The following MDGA2 variants were observed in gnomAD, a reference collection of about 807,000 sequenced individuals.
MDGA2 encodes the protein MAM domain containing glycosylphosphatidylinositol anchor 2.
Under a neutral mutation model 117.8 loss-of-function variants are expected in MDGA2, and 40 were observed. The observed-to-expected ratio is 0.34, with a 90% CI of 0.26 to 0.44. The LOEUF is 0.44. Ranked by LOEUF, MDGA2 falls within the 20% of genes least tolerant of loss-of-function variation. MDGA2 has a pLI of 1.00. For missense variants in MDGA2, 1,123 were observed against 1,250.6 expected (o/e 0.90, Z 1.54); for synonymous variants, 452 against 439.0 (o/e 1.03, Z -0.37).
chr14:47,408,683 CTCAGA>C (rs1426479092), intron 1 of MDGA2, among the ~76,000 whole-genome samples: 1 of 152,092 alleles, frequency 6.6e-6, no homozygotes. Context: ...GTAATTTGTC[CTCAGA>C]TCAGTAGAAA....
chr14:46,985,924 AT>A (rs1052328590), intron 8 of MDGA2, among the ~76,000 whole-genome samples: 1 of 151,820 alleles, frequency 6.6e-6, no homozygotes, highest in African/African-American at 2.4e-5. Flanking sequence ...CAACTGAGTC[AT>A]TTTTTTTCTA....
chr14:47,407,968 C>A (rs1892292902), intron 1 of MDGA2, among the ~76,000 whole-genome samples: 1 of 151,994 alleles, frequency 6.6e-6, no homozygotes, highest in Non-Finnish European at 1.5e-5. Flanking sequence ...CTACCCTAAT[C>A]CCTAAAACCT....
chr14:46,856,562 A>T (rs1351087368), intron 14 of MDGA2, among the ~76,000 whole-genome samples: 1 of 152,050 alleles, frequency 6.6e-6, no homozygotes, highest in Non-Finnish European at 1.5e-5. Flanking sequence ...GCATTATATA[A>T]TTTTTGTGTG....
At chr14:47,281,120 T>C (rs1480997765) in intron 2 of MDGA2, among the ~76,000 whole-genome samples, 4 of 150,022 alleles carry the variant, frequency 2.7e-5, no homozygotes, top group Admixed American at 2.0e-4. Context: ...AATAATTTAA[T>C]GTAATATGAA....
At chr14:47,302,683 G>T (rs1282240373) in intron 1 of MDGA2, among the ~76,000 whole-genome samples, 1 of 152,056 alleles carries the variant, frequency 6.6e-6, no homozygotes, top group Non-Finnish European at 1.5e-5. Context: ...AAGAAAAAAA[G>T]ATTATAAGGC....
chr14:47,050,585 A>C (rs1254640589), intron 7 of MDGA2, among the ~76,000 whole-genome samples: 2 of 151,924 alleles, frequency 1.3e-5, no homozygotes, highest in African/African-American at 4.8e-5. Context: ...GTGTGCTGTA[A>C]ATTTTATTGT....
chr14:47,538,058 C>T lies in MDGA2; in HGVS notation c.280+136459G>A, dbSNP rs1236244227. Among the ~76,000 whole-genome samples, 2 of 152,128 alleles carry T rather than the reference C, an allele frequency of 1.3e-5. 1 individual carries two copies. Among genetic ancestry groups the T allele is most frequent in the Admixed American group, 1.3e-4 (2 of 15,276 alleles). On this transcript the variant is annotated intron_variant, in intron 1 of 16. Coordinates refer to ENST00000399232, the MANE Select transcript of MDGA2 (RefSeq NM_001113498.3). ...ACAATACAGATTCAGATAAATAGAA[C>T]CTCTATGTTTTTCCATTTGCAATTT...
chr14:47,036,270 C>CAAAAAA (rs11310113), intron 7 of MDGA2, among the ~76,000 whole-genome samples: 2 of 74,440 alleles, frequency 2.7e-5, no homozygotes, highest in Non-Finnish European at 4.8e-5. Flanking sequence ...ACTCTGTCTC[C>CAAAAAA]AAAAAAAAAA....
chr14:47,486,803 C>T (rs1348428464), intron 1 of MDGA2, among the ~76,000 whole-genome samples: 1 of 152,188 alleles, frequency 6.6e-6, no homozygotes, highest in Non-Finnish European at 1.5e-5. Flanking sequence ...CTTGCTCCCC[C>T]TTGCCTTCTG....
chr14:47,388,487 T>C (rs1198859277), intron 1 of MDGA2, among the ~76,000 whole-genome samples: 1 of 152,150 alleles, frequency 6.6e-6, no homozygotes, highest in African/African-American at 2.4e-5. Flanking sequence ...GAATGCTGTG[T>C]CTTCTGCCTA....
At chr14:47,549,540 A>G (rs1011899445) in intron 1 of MDGA2, among the ~76,000 whole-genome samples, 1 of 152,142 alleles carries the variant, frequency 6.6e-6, no homozygotes, top group Non-Finnish European at 1.5e-5. Flanking sequence ...GCAAAGCATC[A>G]GCAATTCTAC....
chr14:46,910,382 T>C (rs1883653360), intron 10 of MDGA2, among the ~76,000 whole-genome samples: 1 of 152,202 alleles, frequency 6.6e-6, no homozygotes, highest in Admixed American at 6.5e-5. Flanking sequence ...AGTACTGCAT[T>C]AATGACTGTT....
intron 1 of MDGA2, among the ~76,000 whole-genome samples, chr14:47,400,766 T>C (rs1300656515): frequency 1.6e-5 from 2 of 126,612 alleles, no homozygotes; most frequent in Non-Finnish European, 3.3e-5. Context: ...TTCTTTTTTT[T>C]TTTTTTTTGA....
At chr14:47,565,478 C>T (rs1170407220) in intron 1 of MDGA2, among the ~76,000 whole-genome samples, 1 of 152,168 alleles carries the variant, frequency 6.6e-6, no homozygotes, top group Admixed American at 6.5e-5. Context: ...GCTTTGTTCT[C>T]TGGCTGGAGG....
At chr14:47,204,870 C>T (rs1247950802) in intron 3 of MDGA2, among the ~76,000 whole-genome samples, 4 of 151,904 alleles carry the variant, frequency 2.6e-5, no homozygotes, top group South Asian at 2.1e-4. Flanking sequence ...TACACAGTTA[C>T]AAGACTTAAT....
chr14:46,944,249 T>G (rs1885093773), intron 9 of MDGA2, among the ~76,000 whole-genome samples: 1 of 152,070 alleles, frequency 6.6e-6, no homozygotes, highest in Admixed American at 6.6e-5. Flanking sequence ...ACATAAAATA[T>G]AAATTGACAG....
At chr14:47,053,636 T>C (rs201253088) in intron 7 of MDGA2, among the ~76,000 whole-genome samples, 43,605 of 99,066 alleles carry the variant, frequency 0.44, 8,650 homozygotes, top group East Asian at 0.65. Flanking sequence ...TATATATATA[T>C]ATATATATAT....
intron 1 of MDGA2, among the ~76,000 whole-genome samples, chr14:47,560,498 G>C (rs1011778456): frequency 6.6e-6 from 1 of 152,138 alleles, no homozygotes; most frequent in African/African-American, 2.4e-5. Flanking sequence ...TCATGTTTAT[G>C]TCTTCTTTTG....
At chr14:47,340,683 A>G (rs1288605403) in intron 1 of MDGA2, among the ~76,000 whole-genome samples, 1 of 152,188 alleles carries the variant, frequency 6.6e-6, no homozygotes, top group Admixed American at 6.6e-5. Context: ...GAGCATCAGC[A>G]AAGAGTTTGC....
Sources: allele counts gnomAD v4.1 joint callset (sites outside exome capture counted in the v4.1 genomes callset), GRCh38; gene constraint gnomAD v4.1.1; transcripts MANE v1.5; gene names NCBI Gene and HGNC (gene_info 2026-07-23, HGNC 2026-07-21).